ULK4: variants seen among roughly 807,000 people sequenced by gnomAD.
ULK4 encodes unc-51 like kinase 4.
In ULK4, 133 loss-of-function variants were observed where a neutral mutation model predicts 160.6. The observed-to-expected ratio is 0.83, with a 90% CI of 0.72 to 0.96. ULK4 has a LOEUF of 0.96. ULK4 is among the 40% of genes least tolerant of loss of function. The pLI, the probability that ULK4 is intolerant of heterozygous loss-of-function variation, is 0.00. For synonymous variants in ULK4, 534 were observed against 539.8 expected, an observed-to-expected ratio of 0.99 and a Z score of 0.15; for missense variants, 1,580 against 1,499.5, an observed-to-expected ratio of 1.05 and a Z score of -0.89.
chr3:41,413,791 C>T (rs1049235676), intron 34 of ULK4, among the ~76,000 whole-genome samples: 2 of 152,128 alleles, frequency 1.3e-5, no homozygotes, highest in Non-Finnish European at 2.9e-5. Flanking sequence ...GAAACTTCAC[C>T]CTATATTATT....
At position 41,458,701 on chromosome 3, in the gene ULK4, A is replaced by T. The variant is rs2083612360; in HGVS notation, c.3394-3106T>A. 2.0e-5 allele frequency among the ~76,000 whole-genome samples: 3 copies of T among 152,302 alleles called. No homozygotes were observed. The South Asian group carries it at 6.2e-4, about 32-fold the overall frequency. On this transcript the variant is annotated intron_variant, in intron 33 of 36. Coordinates refer to ENST00000301831, the MANE Select transcript of ULK4 (RefSeq NM_017886.4). ...ATCAACAGAGGTCTGCTAAATATACACAGAAGTAAGGCATCTATAAAGAAC... is the reference window on the plus strand; with the variant it reads ...ATCAACAGAGGTCTGCTAAATATACTCAGAAGTAAGGCATCTATAAAGAAC...
chr3:41,370,548 G>A (rs898304645), intron 35 of ULK4, among the ~76,000 whole-genome samples: 1 of 152,282 alleles, frequency 6.6e-6, no homozygotes, highest in Non-Finnish European at 1.5e-5. Context: ...ACCCAGGAAG[G>A]GCAAGGGGTT....
At chr3:41,482,149 AC>A (rs2084351021) in intron 32 of ULK4, among the ~76,000 whole-genome samples, 1 of 151,976 alleles carries the variant, frequency 6.6e-6, no homozygotes, top group Non-Finnish European at 1.5e-5. Flanking sequence ...AGATCCAAGA[AC>A]CCTCTTTTGG....
At chr3:41,762,701 C>T (rs1320231182) in intron 21 of ULK4, among the ~76,000 whole-genome samples, 3 of 131,364 alleles carry the variant, frequency 2.3e-5, no homozygotes, top group South Asian at 2.4e-4. Context: ...CTCGCTCTGT[C>T]GCCCAGGCTG....
intron 27 of ULK4, among the ~76,000 whole-genome samples, chr3:41,686,498 A>G (rs545542654): frequency 6.6e-6 from 1 of 152,044 alleles, no homozygotes; most frequent in South Asian, 2.1e-4. Flanking sequence ...GTGTGTGTGT[A>G]AGATATTTAG....
In ULK4 at chr3:41,851,359, G is replaced by A. The variant is rs2042208506; in HGVS notation, c.1657-15388C>T. On this transcript the variant is annotated intron_variant, in intron 17 of 36. Transcript: ENST00000301831. The stretch of plus-strand genomic sequence containing the variant: ...TCATGTGGTTTTTGTCTTTGGTTCT[G>A]TTTATATGCTGGATTACGTTGATTG... Among the ~76,000 whole-genome samples, 4 of 152,164 alleles carry A rather than the reference G, an allele frequency of 2.6e-5. 1 individual carries two copies. The South Asian group carries it at 8.3e-4, about 32-fold the overall frequency.
intron 34 of ULK4, among the ~76,000 whole-genome samples, chr3:41,413,213 T>A (rs188549105): frequency 6.8e-4 from 103 of 152,280 alleles, no homozygotes; most frequent in African/African-American, 2.4e-3. Context: ...TGGGGGAAAC[T>A]GCCCCCATGA....
chr3:41,280,891 A>G (rs540665957), intron 35 of ULK4, among the ~76,000 whole-genome samples: 1 of 152,350 alleles, frequency 6.6e-6, no homozygotes, highest in South Asian at 2.1e-4. Context: ...TGAAAAGAGC[A>G]ACAAAATAGA....
At chr3:41,890,798 G>A (rs1453619337) in intron 16 of ULK4, among the ~76,000 whole-genome samples, 1 of 22,186 alleles carries the variant, frequency 4.5e-5, no homozygotes, top group Non-Finnish European at 9.6e-5. Flanking sequence ...GGAGGGACGG[G>A]ATGGGGGAAG....
intron 34 of ULK4, among the ~76,000 whole-genome samples, chr3:41,442,864 T>C (rs1472309487): frequency 6.6e-6 from 1 of 152,218 alleles, no homozygotes; most frequent in Non-Finnish European, 1.5e-5. Flanking sequence ...ACATGGAGAA[T>C]TAAAGCATCT....
rs1377959853 is a variant in ULK4 at position 41,943,526 on chromosome 3, CT to C, written c.139-5330del. 2.0e-5 allele frequency among the ~76,000 whole-genome samples: 3 copies of C among 152,158 alleles called. No homozygotes were observed. The East Asian group carries it at 5.8e-4, about 29-fold the overall frequency. The stretch of plus-strand genomic sequence containing the variant: ...GTAAAGCAGAAACAAACCATGCTGC[CT>C]GATTTACTTTAAATTTATGATCACA... On this transcript the variant is annotated intron_variant, in intron 2 of 36. Coordinates refer to ENST00000301831, the MANE Select transcript of ULK4 (RefSeq NM_017886.4).
At chr3:41,948,534 A>T (rs1310814895) in intron 2 of ULK4, among the ~76,000 whole-genome samples, 1 of 152,178 alleles carries the variant, frequency 6.6e-6, no homozygotes, top group Non-Finnish European at 1.5e-5. Flanking sequence ...TATGTCAACA[A>T]AATGCAAGCA....
At chr3:41,422,905 T>C (rs1009560429) in intron 34 of ULK4, among the ~76,000 whole-genome samples, 5 of 151,996 alleles carry the variant, frequency 3.3e-5, no homozygotes, top group African/African-American at 1.2e-4. Flanking sequence ...TAATGGAAAA[T>C]AACTGGAAAC....
chr3:41,698,784 A>T (rs1383107868), intron 27 of ULK4, among the ~76,000 whole-genome samples: 2 of 152,234 alleles, frequency 1.3e-5, no homozygotes, highest in African/African-American at 4.8e-5. Flanking sequence ...ATGAAGGAAC[A>T]TTATGAAGCC....
chr3:41,894,918 T>C (rs1425209537), intron 16 of ULK4, among the ~76,000 whole-genome samples: 2 of 152,192 alleles, frequency 1.3e-5, no homozygotes, highest in Admixed American at 1.3e-4. Flanking sequence ...ACCTGGTATG[T>C]TGCTTCTGTA....
chr3:41,704,646 G>C (rs927161317), intron 27 of ULK4, among the ~76,000 whole-genome samples: 1 of 152,060 alleles, frequency 6.6e-6, no homozygotes, highest in African/African-American at 2.4e-5. Flanking sequence ...GACGGAGTGG[G>C]GCTACCAGCA....
intron 35 of ULK4, among the ~76,000 whole-genome samples, chr3:41,314,748 A>G (rs2080116154): frequency 6.6e-6 from 1 of 152,062 alleles, no homozygotes. Context: ...AAATTTGGTG[A>G]TGGTCTATAA....
At chr3:41,419,552 T>TAACACCGCCCTGCAGTGGTGGC (rs1238947478) in intron 34 of ULK4, among the ~76,000 whole-genome samples, 1 of 152,192 alleles carries the variant, frequency 6.6e-6, no homozygotes, top group African/African-American at 2.4e-5. Context: ...TGAGAGGTGG[T>TAACACCGCCCTGCAGTGGTGGC]AACACCGCCC....
At chr3:41,689,221 G>GA (rs1164356986) in intron 27 of ULK4, among the ~76,000 whole-genome samples, 1 of 152,096 alleles carries the variant, frequency 6.6e-6, no homozygotes, top group Non-Finnish European at 1.5e-5. Context: ...TAGCAACTCT[G>GA]AAAAAACAAC....
Sources: gnomAD v4.1 joint callset for allele counts (sites outside exome capture counted in the v4.1 genomes callset) on GRCh38, gnomAD v4.1.1 for gene constraint, MANE v1.5 for transcripts, NCBI Gene and HGNC (gene_info 2026-07-23, HGNC 2026-07-21) for gene names.